SLC9B1: variants seen among roughly 807,000 people sequenced by gnomAD.
SLC9B1 encodes solute carrier family 9 member B1, also known as sodium/hydrogen exchanger 9B1.
A neutral mutation model predicts 51.7 loss-of-function variants in SLC9B1; 32 were observed. The ratio of observed to expected loss-of-function variants is 0.62; its 90% CI spans 0.47 to 0.83. The LOEUF (loss-of-function observed/expected upper bound fraction) is 0.83, where lower values mean the gene tolerates loss of function less well. Among genes scored for constraint, SLC9B1 ranks in the 40% least tolerant of loss-of-function variants. SLC9B1 has a pLI of 0.00. For synonymous variants in SLC9B1, 145 were observed against 212.7 expected, an observed-to-expected ratio of 0.68 and a Z score of 2.77; for missense variants, 406 against 613.2, an observed-to-expected ratio of 0.66 and a Z score of 3.57.
At chr4:102,986,821 T>C (rs1044151267) in intron 3 of SLC9B1, among the ~76,000 whole-genome samples, 3 of 152,224 alleles carry the variant, frequency 2.0e-5, no homozygotes, top group African/African-American at 7.2e-5. Flanking sequence ...CATCTCTTTC[T>C]TACAATTTTC....
chr4:102,918,435 G>A (rs1285682852), intron 7 of SLC9B1, among the ~76,000 whole-genome samples: 2 of 152,166 alleles, frequency 1.3e-5, no homozygotes, highest in Admixed American at 6.5e-5. Flanking sequence ...TACCTGATAA[G>A]GGGTTAATAT....
chr4:102,885,479 G>A, intron 11 of SLC9B1: 1 of 1,419,360 alleles, frequency 7.0e-7, no homozygotes, highest in South Asian at 1.2e-5. Flanking sequence ...TGCTAGGATT[G>A]TTTCGCCTCT....
chr4:102,954,431 C>A lies in SLC9B1; in HGVS notation c.212-5004G>T, dbSNP rs185516036. ...TCATCAAGGATATTGGTCTAAAATT[C>A]TCTTTTTTGGTTGTGTCTCAGGCAA... On this transcript the variant is annotated intron_variant, in intron 3 of 11. Coordinates refer to ENST00000296422, the MANE Select transcript of SLC9B1 (RefSeq NM_139173.4). Among the ~76,000 whole-genome samples the A allele has an allele frequency of 1.4e-4, 8 of 58,984 alleles. 3 individuals are homozygous for A. The East Asian group carries it at 3.9e-3, about 29-fold the overall frequency. 38.7% of individuals were successfully genotyped at this position (58,984 alleles called of 152,430 possible).
rs1309322395 is a variant in SLC9B1, at chr4:102,989,692, T to C, written c.211+108A>G. The C allele has an allele frequency of 4.9e-6, 3 of 618,236 alleles. No homozygotes were observed. In the African/African-American group the frequency reaches 5.8e-5, roughly 12 times the overall value. The allele number at this position is 618,236 out of a possible 1,614,324, so 38.3% of individuals were successfully genotyped here. A position where few individuals can be genotyped will look rare whatever the true frequency, so the allele number is the denominator to read the frequency against. ...ATATTGCTTGTAACAAAGCTGATCA[T>C]CTGATCTGGAGTATATTGATTAAGT... On this transcript the variant is annotated intron_variant, in intron 3 of 11. Transcript: ENST00000296422.
intron 8 of SLC9B1, 101 bp downstream of exon 8, chr4:102,911,330 G>A (rs1381483580): frequency 5.1e-6 from 4 of 781,134 alleles, no homozygotes; most frequent in Non-Finnish European, 8.0e-6. Flanking sequence ...TAGTTTTAGA[G>A]AAATAGAATT....
chr4:102,948,634 TA>T (rs1410835225), intron 4 of SLC9B1, among the ~76,000 whole-genome samples: 1 of 152,160 alleles, frequency 6.6e-6, no homozygotes, highest in African/African-American at 2.4e-5. Context: ...TATGCATTCA[TA>T]AAAAAGAATG....
chr4:102,892,317 C>T (rs36038242), intron 11 of SLC9B1: 1 of 152,224 alleles, frequency 6.6e-6, no homozygotes, highest in Admixed American at 6.5e-5. Flanking sequence ...CCTCAGCACT[C>T]CCAAAGTGCT....
chr4:102,969,302 G>A (rs1305731430), intron 3 of SLC9B1, among the ~76,000 whole-genome samples: 1 of 152,210 alleles, frequency 6.6e-6, no homozygotes, highest in Non-Finnish European at 1.5e-5. Context: ...GGATCAGGCA[G>A]CAATATTTGC....
intron 7 of SLC9B1, among the ~76,000 whole-genome samples, chr4:102,928,615 G>GT (rs1305166137): frequency 6.6e-6 from 1 of 152,156 alleles, no homozygotes; most frequent in African/African-American, 2.4e-5. Context: ...ATCAAAATCT[G>GT]TATTAGTCAT....
intron 1 of SLC9B1, among the ~76,000 whole-genome samples, chr4:103,001,631 C>A (rs1399945536): frequency 6.6e-6 from 1 of 152,200 alleles, no homozygotes; most frequent in Non-Finnish European, 1.5e-5. Context: ...GTCCATATCA[C>A]CATCCAGCAT....
chr4:102,956,416 C>G (rs1436288810), intron 3 of SLC9B1, among the ~76,000 whole-genome samples: 1 of 151,124 alleles, frequency 6.6e-6, no homozygotes, highest in Non-Finnish European at 1.5e-5. Context: ...TATGGAAGTG[C>G]AGGAAAGACT....
chr4:103,003,926 G>A (rs1470254249), intron 1 of SLC9B1, among the ~76,000 whole-genome samples: 1 of 152,100 alleles, frequency 6.6e-6, no homozygotes. Context: ...CATCAAAGAA[G>A]ATAAAAGCAA....
intron 1 of SLC9B1, among the ~76,000 whole-genome samples, chr4:102,993,528 C>T (rs1454518806): frequency 3.3e-5 from 5 of 152,218 alleles, no homozygotes; most frequent in Non-Finnish European, 5.9e-5. Flanking sequence ...GGGTCTGCTG[C>T]TTTTCCAGGC....
At chr4:102,908,303 G>T (rs1735156394) in intron 9 of SLC9B1, among the ~76,000 whole-genome samples, 1 of 152,210 alleles carries the variant, frequency 6.6e-6, no homozygotes, top group Admixed American at 6.5e-5. Context: ...TCTAGTTTAT[G>T]TGCATATATC....
chr4:102,894,116 T>C (rs1263547250), intron 11 of SLC9B1, among the ~76,000 whole-genome samples: 1 of 152,058 alleles, frequency 6.6e-6, no homozygotes, highest in Non-Finnish European at 1.5e-5. Flanking sequence ...AAGAGAAAAA[T>C]GTGATTATAT....
intron 3 of SLC9B1, among the ~76,000 whole-genome samples, chr4:102,949,688 A>C (rs370903232): frequency 1.3e-5 from 2 of 152,128 alleles, no homozygotes. Flanking sequence ...GGCCAGGTGC[A>C]GTGGCTCACA....
chr4:102,939,643 CA>C (rs1736891745), intron 6 of SLC9B1, among the ~76,000 whole-genome samples: 1 of 152,080 alleles, frequency 6.6e-6, no homozygotes, highest in Admixed American at 6.6e-5. Context: ...ATCATAGATG[CA>C]AAAATCCTCA....
At chr4:102,974,789 C>G (rs1463314725) in intron 3 of SLC9B1, among the ~76,000 whole-genome samples, 1 of 152,048 alleles carries the variant, frequency 6.6e-6, no homozygotes, top group African/African-American at 2.4e-5. Flanking sequence ...GAGGGAACAC[C>G]TTCAATTCAT....
intron 11 of SLC9B1, among the ~76,000 whole-genome samples, chr4:102,904,873 A>G (rs1182805547): frequency 6.6e-6 from 1 of 151,742 alleles, no homozygotes; most frequent in Non-Finnish European, 1.5e-5. Flanking sequence ...AATCCCAGCT[A>G]CTCAGAAGGC....
Sources: gnomAD v4.1 joint callset for allele counts (sites outside exome capture counted in the v4.1 genomes callset) on GRCh38, gnomAD v4.1.1 for gene constraint, MANE v1.5 for transcripts, NCBI Gene and HGNC (gene_info 2026-07-23, HGNC 2026-07-21) for gene names.